NFIB: variants seen among roughly 807,000 people sequenced by gnomAD.
NFIB encodes the protein nuclear factor I B.
Under a neutral mutation model 61.5 loss-of-function variants are expected in NFIB, and 11 were observed. The observed-to-expected ratio is 0.18, with a 90% confidence interval of 0.11 to 0.30. The LOEUF (loss-of-function observed/expected upper bound fraction) is 0.30, where lower values mean the gene tolerates loss of function less well. Among genes scored for constraint, NFIB ranks in the 10% least tolerant of loss-of-function variants. The pLI is 1.00. For missense variants in NFIB, 471 were observed against 608.9 expected, an observed-to-expected ratio of 0.77 and a Z score of 2.38; for synonymous variants, 260 against 216.5, an observed-to-expected ratio of 1.20 and a Z score of -1.76.
intron 1 of NFIB, among the ~76,000 whole-genome samples, chr9:14,380,423 G>C (rs1459684856): frequency 6.6e-6 from 1 of 152,152 alleles, no homozygotes. Context: ...GATGTAAATA[G>C]AAAAATGTAT....
chr9:14,205,404 A>G (rs572733865), intron 2 of NFIB, among the ~76,000 whole-genome samples: 54 of 151,590 alleles, frequency 3.6e-4, no homozygotes, highest in African/African-American at 1.3e-3. Context: ...TTGAAGAATT[A>G]AAAATACTTC....
the NFIB span, among the ~76,000 whole-genome samples, chr9:14,457,466 A>G: frequency 2.0e-5 from 3 of 152,142 alleles, no homozygotes; most frequent in Non-Finnish European, 4.4e-5. Flanking sequence ...GAGAAGCGAG[A>G]GCAAACACAT....
At chr9:14,303,830 G>A (rs1269725674) in intron 2 of NFIB, among the ~76,000 whole-genome samples, 2 of 152,148 alleles carry the variant, frequency 1.3e-5, no homozygotes, top group South Asian at 2.1e-4. Flanking sequence ...CAGCCGAAGC[G>A]CAGCCCTCTG....
At chr9:14,100,590 G>T (rs954957380) in intron 10 of NFIB, among the ~76,000 whole-genome samples, 2 of 152,162 alleles carry the variant, frequency 1.3e-5, no homozygotes, top group Non-Finnish European at 2.9e-5. Flanking sequence ...GGCGCCTGTA[G>T]TCCCAGCTAC....
intron 1 of NFIB, among the ~76,000 whole-genome samples, chr9:14,339,779 A>G (rs1007717291): frequency 6.6e-5 from 10 of 152,138 alleles, no homozygotes; most frequent in Non-Finnish European, 1.3e-4. Flanking sequence ...TTTGTAAGAG[A>G]CTAGGGGAGA....
chr9:14,112,443 G>A (rs1238349390), intron 10 of NFIB, among the ~76,000 whole-genome samples: 1 of 152,146 alleles, frequency 6.6e-6, no homozygotes, highest in Non-Finnish European at 1.5e-5. Flanking sequence ...CATAAATGAT[G>A]TAAGAAAGCA....
chr9:14,107,069 A>G (rs1184361707), intron 10 of NFIB, among the ~76,000 whole-genome samples: 2 of 151,988 alleles, frequency 1.3e-5, no homozygotes, highest in Non-Finnish European at 2.9e-5. Flanking sequence ...CCAGACCCTC[A>G]ATGAAACAGA....
the NFIB span, among the ~76,000 whole-genome samples, chr9:14,464,475 A>G: frequency 6.6e-6 from 1 of 152,178 alleles, no homozygotes; most frequent in Admixed American, 6.5e-5. Context: ...TGGTGGTGGT[A>G]AGAAGTGGGC....
intron 1 of NFIB, among the ~76,000 whole-genome samples, chr9:14,344,108 A>AAGAG (rs149708104): frequency 0.037 from 5,215 of 141,478 alleles, 127 homozygotes; most frequent in African/African-American, 0.073. Flanking sequence ...GAGAGAGAGA[A>AAGAG]AGAGAGAGAG....
At chr9:14,149,276 G>A (rs777734547) in intron 5 of NFIB, among the ~76,000 whole-genome samples, 1 of 151,964 alleles carries the variant, frequency 6.6e-6, no homozygotes. Flanking sequence ...CAAATTCAAC[G>A]AACTTTCACT....
intron 4 of NFIB, among the ~76,000 whole-genome samples, chr9:14,152,756 G>A (rs2043000142): frequency 6.6e-6 from 1 of 151,246 alleles, no homozygotes. Context: ...GTTCCAGAAA[G>A]ATTATTCCGC....
intron 6 of NFIB, among the ~76,000 whole-genome samples, chr9:14,135,061 G>C (rs1038404417): frequency 2.0e-5 from 3 of 151,862 alleles, no homozygotes; most frequent in African/African-American, 7.3e-5. Context: ...AAAATACATA[G>C]AAAAACAGGC....
At position 14,235,254 on chromosome 9, in the gene NFIB, A is replaced by C. The variant is rs529732679; in HGVS notation, c.563-55474T>G. ...TTTTGATAAAGGCGATCTGATGTTC[A>C]AAGGACATCATTTAAAACTTGGGAG... On this transcript the variant is annotated intron_variant, in intron 2 of 10. Transcript: ENST00000380953. 2.4e-4 allele frequency among the ~76,000 whole-genome samples: 36 copies of C among 152,344 alleles called. No homozygotes were observed. In the South Asian group the frequency reaches 7.1e-3, roughly 30 times the overall value.
chr9:14,263,824 C>T (rs1015684464), intron 2 of NFIB, among the ~76,000 whole-genome samples: 1 of 152,130 alleles, frequency 6.6e-6, no homozygotes, highest in Non-Finnish European at 1.5e-5. Context: ...TCCGTGAAAC[C>T]CAAATATCAG....
the NFIB span, among the ~76,000 whole-genome samples, chr9:14,425,011 G>A: frequency 6.6e-6 from 1 of 152,188 alleles, no homozygotes; most frequent in Non-Finnish European, 1.5e-5. Flanking sequence ...AGACAAGGAA[G>A]GAGTAGTGAG....
chr9:14,502,310 C>T, the NFIB span, among the ~76,000 whole-genome samples: 1 of 152,164 alleles, frequency 6.6e-6, no homozygotes, highest in Non-Finnish European at 1.5e-5. Flanking sequence ...TAGCAAACTT[C>T]AAAAAGTTTA....
the NFIB span, among the ~76,000 whole-genome samples, chr9:14,495,355 C>A: frequency 2.0e-4 from 31 of 151,600 alleles, no homozygotes; most frequent in Non-Finnish European, 2.9e-4. Flanking sequence ...TGCAACATAT[C>A]TACGGGGATT....
chr9:14,294,934 C>A (rs905008725), intron 2 of NFIB, among the ~76,000 whole-genome samples: 1 of 152,092 alleles, frequency 6.6e-6, no homozygotes, highest in African/African-American at 2.4e-5. Flanking sequence ...AAACAAGCAC[C>A]GAAACTAGTT....
chr9:14,499,904 C>T, the NFIB span, among the ~76,000 whole-genome samples: 1 of 152,166 alleles, frequency 6.6e-6, no homozygotes, highest in African/African-American at 2.4e-5. Context: ...CTTAAAAGAG[C>T]ACAATTGCAT....
Sources: allele counts gnomAD v4.1 joint callset (sites outside exome capture counted in the v4.1 genomes callset), GRCh38; gene constraint gnomAD v4.1.1; transcripts MANE v1.5; gene names NCBI Gene and HGNC (gene_info 2026-07-23, HGNC 2026-07-21).